WDR62: variants seen among roughly 807,000 people sequenced by gnomAD.
WDR62 encodes WD repeat-containing protein 62.
In WDR62, 112 loss-of-function variants were observed where a neutral mutation model predicts 160.6. That is an observed-to-expected ratio of 0.70 (90% CI 0.60 to 0.82). The LOEUF (loss-of-function observed/expected upper bound fraction) is 0.82, where lower values mean the gene tolerates loss of function less well. WDR62 is among the 40% of genes least tolerant of loss of function. The pLI is 0.00. For synonymous variants in WDR62, 792 were observed against 815.1 expected, an observed-to-expected ratio of 0.97 and a Z score of 0.48; for missense variants, 1,819 against 1,983.8, an observed-to-expected ratio of 0.92 and a Z score of 1.58.
intron 3 of WDR62, 105 bp from the exon 4 acceptor site, chr19:36,065,853 G>C (rs564511207): frequency 1.2e-4 from 138 of 1,137,668 alleles, no homozygotes; most frequent in South Asian, 7.1e-4. Flanking sequence ...CCTCTTCCGA[G>C]GCTTGGGAGG....
At position 36,103,931 on chromosome 19, in the gene WDR62, C is replaced by T; in HGVS notation, c.4103C>T (p.Ala1368Val). Residue 1368 changes from alanine to valine, a missense_variant, in exon 30 of 32, where the codon GCC (alanine) becomes GTC (valine). This residue lies in a region of WDR62 where 770 missense variants were observed against 734.2 expected (regional missense o/e 1.05). Coordinates refer to ENST00000401500, the MANE Select transcript of WDR62 (RefSeq NM_001083961.2). ...AHPSNPQLPE[A>V]RPGIPGGTAS... ...CCCAGTAACCCCCAGCTTCCAGAGGCCCGGCCTGGCATCCCTGGCGGCACT... is the reference window on the plus strand; with the variant it reads ...CCCAGTAACCCCCAGCTTCCAGAGGTCCGGCCTGGCATCCCTGGCGGCACT... 1 of 1,599,088 alleles carries T rather than the reference C, an allele frequency of 6.3e-7. No individual in the cohort carries two copies. The highest frequency in any genetic ancestry group is 8.5e-7 in the Non-Finnish European group (1 of 1,179,954).
At chr19:36,109,740 C>CAAAAT (rs1973772611), downstream of WDR62, among the ~76,000 whole-genome samples, 1 of 142,200 alleles carries the variant, frequency 7.0e-6, no homozygotes. Context: ...TCTCAAAAAA[C>CAAAAT]AAAACAAAAC....
chr19:36,109,829 G>A (rs544601716), downstream of WDR62, among the ~76,000 whole-genome samples: 11 of 151,864 alleles, frequency 7.2e-5, no homozygotes, highest in African/African-American at 1.7e-4. Context: ...TGAGCCGGGC[G>A]GATCACCTGC....
At position 36,104,989 on chromosome 19, in the gene WDR62, G is replaced by C; in HGVS notation, c.4533G>C (p.Leu1511=). The C allele has an allele frequency of 1.2e-6, 2 of 1,602,964 alleles. No homozygotes were observed. Among genetic ancestry groups the C allele is most frequent in the Non-Finnish European group, 8.5e-7 (1 of 1,177,558 alleles). ...CCCTGCTGGAACACTACTCGGAGCTGCTGGTGCAGGCCGTGCGGAGGAAGG... is the reference window on the plus strand; with the variant it reads ...CCCTGCTGGAACACTACTCGGAGCTCCTGGTGCAGGCCGTGCGGAGGAAGG... ...LQALLEHYSE[L]LVQAVRRKAR... Residue 1511 remains leucine (L), a synonymous_variant, in exon 32 of 32, where the codon CTG becomes CTC. Coordinates refer to ENST00000401500, the MANE Select transcript of WDR62 (RefSeq NM_001083961.2).
intron 7 of WDR62, among the ~76,000 whole-genome samples, chr19:36,069,173 G>C (rs371451210): frequency 0.011 from 1,590 of 143,986 alleles, 13 homozygotes; most frequent in South Asian, 0.043. Flanking sequence ...GGCGGGGGCT[G>C]ACCCCCACCT....
chr19:36,081,821 C>T lies in WDR62; in HGVS notation c.1371+251C>T, dbSNP rs11882991. The T allele has an allele frequency of 5.9e-3, 3,729 of 627,886 alleles. 101 individuals are homozygous for T. Among genetic ancestry groups the T allele is most frequent in the African/African-American group, 0.058 (3,229 of 55,690 alleles). The allele number at this position is 627,886 out of a possible 1,614,324, so 38.9% of individuals were successfully genotyped here. A position where few individuals can be genotyped will look rare whatever the true frequency, so the allele number is the denominator to read the frequency against. On this transcript the variant is annotated intron_variant, in intron 10 of 31. Transcript: ENST00000401500. The stretch of plus-strand genomic sequence containing the variant: ...GGCTCCTGCTCTGCAGATGTGTGGA[C>T]GTGGCCACTCCCGGCAGCCCAACAC...
Position 36,089,084 on chromosome 19 carries a change from C to T in WDR62, c.1815C>T (p.Ile605=). 6.2e-7 allele frequency: 1 copy of T among 1,614,142 alleles called. No homozygotes were observed. Among genetic ancestry groups the T allele is most frequent in the African/African-American group, 1.3e-5 (1 of 75,044 alleles). The change falls in exon 14 of 32, where the codon ATC becomes ATT. Residue 605 remains isoleucine (I), a synonymous_variant. Transcript: ENST00000401500. ...TCAGCTGTGGGGCTGACAAGAGCAT[C>T]TACTTTCGCAGTGCCCAGCAGGTAG... ...QMISCGADKS[I]YFRSAQQGSD...
chr19:36,089,372 C>T (rs1972451721), intron 15 of WDR62, 66 bp downstream of exon 15: 1 of 1,612,164 alleles, frequency 6.2e-7, no homozygotes, highest in African/African-American at 1.3e-5. Flanking sequence ...TGCTTTCCTC[C>T]CTCTGTTCCT....
At chr19:36,098,271 AAAAAAG>A (rs1973096720) in intron 21 of WDR62, among the ~76,000 whole-genome samples, 1 of 152,190 alleles carries the variant, frequency 6.6e-6, no homozygotes, top group East Asian at 1.9e-4. Flanking sequence ...CTTAAAAAAA[AAAAAAG>A]AAAAAGAGAC....
chr19:36,061,653 A>G (rs1340565320), intron 3 of WDR62: 2 of 152,058 alleles, frequency 1.3e-5, no homozygotes, highest in Non-Finnish European at 2.9e-5. Flanking sequence ...CTGGATCTAT[A>G]GTAGATGGTA....
Position 36,103,417 on chromosome 19 carries a change from C to A in WDR62, c.3589C>A (p.Pro1197Thr), listed in dbSNP as rs375708869. Residue 1197 changes from proline (P) to threonine (T), a missense_variant, in exon 30 of 32, where the codon CCC (proline) becomes ACC (threonine). Pro to Thr is a conservative substitution (Grantham distance 38). Transcript: ENST00000401500. ...VLPTDRNLPT[P>T]TSAPTPGLAQ... ...GCCCACAGACAGGAATCTCCCAACGCCCACATCTGCACCCACCCCAGGCCT... is the reference window on the plus strand; with the variant it reads ...GCCCACAGACAGGAATCTCCCAACGACCACATCTGCACCCACCCCAGGCCT... 75 of 1,614,032 alleles carry A rather than the reference C, an allele frequency of 4.6e-5. No homozygotes were observed. In the African/African-American group the frequency reaches 9.3e-4, roughly 20 times the overall value.
In WDR62 at chr19:36,103,333, TC is replaced by T; in HGVS notation, c.3515-8del. The T allele has an allele frequency of 6.2e-7, 1 of 1,613,632 alleles. No individual in the cohort carries two copies. Among genetic ancestry groups the T allele is most frequent in the African/African-American group, 1.3e-5 (1 of 75,022 alleles). ...TGTGGTGGAGTCAGTGCCATCTGCT[TC>T]CGTTACAGCTCCCTGCCTTACGAGC... On this transcript the variant is annotated splice_polypyrimidine_tract_variant and intron_variant, in intron 29 of 31. Transcript: ENST00000401500.
intron 12 of WDR62, among the ~76,000 whole-genome samples, chr19:36,085,414 C>CGTTTTTTTT (rs1972153371): frequency 1.4e-5 from 1 of 70,382 alleles, no homozygotes; most frequent in Non-Finnish European, 2.8e-5. Context: ...CACACCTGAC[C>CGTTTTTTTT]TTTTTTTTTT....
intron 15 of WDR62, 85 bp from the exon 16 acceptor site, chr19:36,090,360 G>T: frequency 7.6e-7 from 1 of 1,312,110 alleles, no homozygotes. Flanking sequence ...GGGCTTCCAG[G>T]GGAGGGGAGG....
chr19:36,104,508 T>C lies in WDR62; in HGVS notation c.4154-10T>C. 1 of 1,613,414 alleles carries C rather than the reference T, an allele frequency of 6.2e-7. No individual in the cohort carries two copies. Among genetic ancestry groups the C allele is most frequent in the Non-Finnish European group, 8.5e-7 (1 of 1,179,806 alleles). On this transcript the variant is annotated splice_polypyrimidine_tract_variant and intron_variant, in intron 30 of 31. Transcript: ENST00000401500. ...AGCTCATCTTGCTCATTCCCTTCTC[T>C]CTACCCCAGGTGCACTTGGTCTGTT...
chr19:36,055,101 CG>C lies in WDR62; in HGVS notation c.132del (p.Arg45GlyfsTer32). 1 of 1,605,938 alleles carries C rather than the reference CG, an allele frequency of 6.2e-7. No homozygotes were observed. The highest frequency in any genetic ancestry group is 8.5e-7 in the Non-Finnish European group (1 of 1,177,316). Reference protein sequence around the residue: ...PPPAPPICLRRRTRLSTASEE... With the variant: ...PPPAPPICLRXRTRLSTASEE... ...CCCCGCCCCACCAATCTGCCTACGG[CG>C]GCGGACGCGACTCTCGACGGCCTCC... On this transcript the variant is annotated frameshift_variant, in exon 1 of 32. Coordinates refer to ENST00000401500, the MANE Select transcript of WDR62 (RefSeq NM_001083961.2). LOFTEE classifies it high-confidence loss of function.
chr19:36,083,137 G>A lies in WDR62; in HGVS notation c.1446G>A (p.Gly482=). ...LQDMSHFPDR[G]SENGTPMDVK... ...ACATGTCACACTTCCCAGACCGGGG[G>A]AGCGAGAATGGGACACCCATGGACG... The change falls in exon 11 of 32, where the codon GGG becomes GGA. Residue 482 remains glycine, a synonymous_variant. Coordinates refer to ENST00000401500, the MANE Select transcript of WDR62 (RefSeq NM_001083961.2). The A allele has an allele frequency of 6.2e-7, 1 of 1,613,716 alleles. No individual in the cohort carries two copies. The highest frequency in any genetic ancestry group is 2.2e-5 in the East Asian group (1 of 44,884).
chr19:36,055,042 G>C lies in WDR62; in HGVS notation c.71G>C (p.Gly24Ala). The C allele has an allele frequency of 6.3e-7, 1 of 1,595,386 alleles. No homozygotes were observed. Among genetic ancestry groups the C allele is most frequent in the Non-Finnish European group, 8.5e-7 (1 of 1,172,176 alleles). ...AGEKLPSVMA[G>A]VPARRGQSSP... is the part of the protein sequence containing the mutation. Reference sequence around the variant, plus strand: ...GAGAAGCTGCCCTCTGTCATGGCGGGAGTTCCGGCGCGGAGGGGCCAGTCC... The same window carrying C: ...GAGAAGCTGCCCTCTGTCATGGCGGCAGTTCCGGCGCGGAGGGGCCAGTCC... The change falls in exon 1 of 32, where the codon GGA becomes GCA. Residue 24 changes from glycine (G) to alanine (A), a missense_variant. Around this residue, in one of 3 missense-constraint regions of WDR62, gnomAD observed 115 missense variants for 92.4 expected, o/e 1.24. Transcript: ENST00000401500.
At chr19:36,073,884 G>A (rs141105357) in intron 9 of WDR62, 18 of 373,822 alleles carry the variant, frequency 4.8e-5, no homozygotes, top group East Asian at 1.4e-4. Flanking sequence ...GCAGGAAATC[G>A]GGGAGTGAGA....
Sources: gnomAD v4.1 joint callset for allele counts (sites outside exome capture counted in the v4.1 genomes callset) on GRCh38, gnomAD v4.1.1 for gene constraint, gnomAD v4.1.1 regional missense constraint, MANE v1.5 for transcripts, NCBI Gene and HGNC (gene_info 2026-07-23, HGNC 2026-07-21) for gene names.